The following ZNF260 variants were observed in gnomAD, a reference collection of about 807,000 sequenced individuals.
ZNF260 encodes zfp-260.
A neutral mutation model predicts 29.3 loss-of-function variants in ZNF260; 21 were observed. That is an observed-to-expected ratio of 0.72 (90% CI 0.51 to 1.03). ZNF260 has a LOEUF of 1.03. Among genes scored for constraint, ZNF260 ranks in the 50% least tolerant of loss-of-function variants. ZNF260 has a pLI of 0.00. For missense variants in ZNF260, 465 were observed against 487.8 expected (o/e 0.95, Z 0.44); for synonymous variants, 156 against 156.8 (o/e 0.99, Z 0.04).
rs2034485170 is a variant in ZNF260 at position 36,513,455 on chromosome 19, T to C, written c.*545A>G. 3.2e-6 allele frequency: 1 copy of C among 312,366 alleles called. No individual in the cohort carries two copies. The highest frequency in any genetic ancestry group is 5.8e-6 in the Non-Finnish European group (1 of 173,318). 19.3% of individuals were successfully genotyped at this position (312,366 alleles called of 1,614,324 possible). On this transcript the variant is annotated 3_prime_UTR_variant, in exon 3 of 3. Coordinates refer to ENST00000523638, the MANE Select transcript of ZNF260 (RefSeq NM_001166037.2). ...ATTATTTTTCCATATGAAGAGTCAA[T>C]TAATTTTTAAGTAATCCATGATTTC...
rs1386475787 is a variant in ZNF260 at position 36,514,982 on chromosome 19, T to A, written c.257A>T (p.Asn86Ile). 5 of 1,614,018 alleles carry A rather than the reference T, an allele frequency of 3.1e-6. No homozygotes were observed. Residue 86 changes from asparagine (N) to isoleucine (I), a missense_variant, in exon 3 of 3, where the codon AAT (asparagine) becomes ATT (isoleucine). By Grantham distance (149) the Asn-to-Ile change is moderately radical. Coordinates refer to ENST00000523638, the MANE Select transcript of ZNF260 (RefSeq NM_001166037.2). ...CTGGCTGAAGGCTTTTCCACATTTATTACATTTATATGCCTTCTTTCCTGT... is the reference window on the plus strand; with the variant it reads ...CTGGCTGAAGGCTTTTCCACATTTAATACATTTATATGCCTTCTTTCCTGT... ...SHTGKKAYKC[N>I]KCGKAFSQKE...
Position 36,514,349 on chromosome 19 carries a change from A to G in ZNF260, c.890T>C (p.Ile297Thr). 6.2e-7 allele frequency: 1 copy of G among 1,614,074 alleles called. No homozygotes were observed. Among genetic ancestry groups the G allele is most frequent in the Non-Finnish European group, 8.5e-7 (1 of 1,180,002 alleles). The change falls in exon 3 of 3, where the codon ATT becomes ACT. Residue 297 changes from isoleucine to threonine, a missense_variant. Physicochemically the swap from Ile to Thr is moderately conservative, Grantham distance 89. Coordinates refer to ENST00000523638, the MANE Select transcript of ZNF260 (RefSeq NM_001166037.2). ...TTCATAGGGTTTCTCTCCTGTATGA[A>G]TATTGTGATGTTTAATGAGGTATTG... ...QKQYLIKHHN[I>T]HTGEKPYECN...
intron 2 of ZNF260, among the ~76,000 whole-genome samples, chr19:36,521,585 T>C (rs1310242647): frequency 6.6e-6 from 1 of 151,268 alleles, no homozygotes; most frequent in East Asian, 1.9e-4. Flanking sequence ...AAACTCTGTC[T>C]CTACTAAAAA....
chr19:36,527,730 T>A (rs930171675), intron 1 of ZNF260, among the ~76,000 whole-genome samples: 2 of 152,160 alleles, frequency 1.3e-5, no homozygotes, highest in African/African-American at 4.8e-5. Context: ...GTAACAAGTT[T>A]TTCCGAAATC....
intron 2 of ZNF260, among the ~76,000 whole-genome samples, chr19:36,523,328 G>C (rs1038283945): frequency 3.3e-5 from 5 of 152,160 alleles, no homozygotes; most frequent in South Asian, 4.2e-4. Flanking sequence ...TGCTACTTTA[G>C]CTTTCAACTC....
At chr19:36,520,400 T>C (rs2145750100) in intron 2 of ZNF260, among the ~76,000 whole-genome samples, 1 of 152,214 alleles carries the variant, frequency 6.6e-6, no homozygotes, top group Admixed American at 6.5e-5. Flanking sequence ...ATATGGATAG[T>C]ACAGACTATT....
intron 1 of ZNF260, among the ~76,000 whole-genome samples, chr19:36,526,949 G>C (rs1258260583): frequency 6.6e-6 from 1 of 152,242 alleles, no homozygotes. Context: ...AAGTGCCTTA[G>C]AACCTGGCTA....
chr19:36,519,810 TGCTTGGAGAATGAAGTTTTA>T (rs1279397699), intron 2 of ZNF260, among the ~76,000 whole-genome samples: 1 of 152,194 alleles, frequency 6.6e-6, no homozygotes, highest in Non-Finnish European at 1.5e-5. Flanking sequence ...GGAAAATTAA[TGCTTGGAGAATGAAGTTTTA>T]GCATAAAAGC....
At chr19:36,524,699 T>G (rs906770320) in intron 2 of ZNF260, among the ~76,000 whole-genome samples, 1 of 151,734 alleles carries the variant, frequency 6.6e-6, no homozygotes, top group Admixed American at 6.6e-5. Flanking sequence ...TACTTAAGAT[T>G]AGGGAGTGGT....
At position 36,513,835 on chromosome 19, in the gene ZNF260, T is replaced by C. The variant is rs17238977; in HGVS notation, c.*165A>G. 1.4e-6 allele frequency: 1 copy of C among 735,322 alleles called. No homozygotes were observed. Among genetic ancestry groups the C allele is most frequent in the Non-Finnish European group, 2.2e-6 (1 of 463,138 alleles). The allele number at this position is 735,322 out of a possible 1,614,324, so 45.5% of individuals were successfully genotyped here. ...GGGAGTTTTGGGGGTACGGGTTTTC[T>C]TTACACTATAATACTTATTAAACAT... On this transcript the variant is annotated 3_prime_UTR_variant, in exon 3 of 3. Transcript: ENST00000523638.
rs764151687 is a variant in ZNF260, at chr19:36,514,351, A to G, written c.888T>C (p.Asn296=). 4 of 1,613,846 alleles carry G rather than the reference A, an allele frequency of 2.5e-6. No homozygotes were observed. In the African/African-American group the frequency reaches 5.3e-5, roughly 22 times the overall value. The change falls in exon 3 of 3, where the codon AAT becomes AAC. Residue 296 remains asparagine (N), a synonymous_variant. Transcript: ENST00000523638. ...RQKQYLIKHH[N]IHTGEKPYEC... is the part of the protein sequence containing the mutation. ...CATAGGGTTTCTCTCCTGTATGAAT[A>G]TTGTGATGTTTAATGAGGTATTGCT...
Position 36,525,265 on chromosome 19 carries a change from T to C in ZNF260, c.-572A>G, listed in dbSNP as rs367844849. 3 of 152,334 alleles carry C rather than the reference T, an allele frequency of 2.0e-5. No individual in the cohort carries two copies. The highest frequency in any genetic ancestry group is 1.9e-4 in the East Asian group (1 of 5,188). The allele number at this position is 152,334 out of a possible 1,614,324, so 9.4% of individuals were successfully genotyped here. On this transcript the variant is annotated 5_prime_UTR_variant, in exon 2 of 3. Coordinates refer to ENST00000523638, the MANE Select transcript of ZNF260 (RefSeq NM_001166037.2). Reference sequence around the variant, plus strand: ...AAACTTGTGAGCAGAAAAATGACACTGGACTTGGATGTTATGGTTGGGGAA... The same window carrying C: ...AAACTTGTGAGCAGAAAAATGACACCGGACTTGGATGTTATGGTTGGGGAA...
chr19:36,514,291 G>A lies in ZNF260; in HGVS notation c.948C>T (p.Ile316=). 2.4e-5 allele frequency: 39 copies of A among 1,614,062 alleles called. No individual in the cohort carries two copies. The highest frequency in any genetic ancestry group is 3.1e-5 in the Non-Finnish European group (37 of 1,179,994). ...TTCTCACATGTACAATAAGTGATGTGATTCGAGAGAAGGCTTTTCCACATT... is the reference window on the plus strand; with the variant it reads ...TTCTCACATGTACAATAAGTGATGTAATTCGAGAGAAGGCTTTTCCACATT... ...CNKCGKAFSR[I]TSLIVHVRIH... is the part of the protein sequence containing the mutation. The change falls in exon 3 of 3, where the codon ATC becomes ATT. Residue 316 remains isoleucine, a synonymous_variant. Transcript: ENST00000523638.
rs2034486273 is a variant in ZNF260 at position 36,513,538 on chromosome 19, A to C, written c.*462T>G. The C allele has an allele frequency of 5.1e-6, 2 of 394,618 alleles. No homozygotes were observed. Among genetic ancestry groups the C allele is most frequent in the Non-Finnish European group, 9.0e-6 (2 of 223,302 alleles). 24.4% of individuals were successfully genotyped at this position (394,618 alleles called of 1,614,324 possible). ...ACCAATTCCCCATATATTCATGCAC[A>C]CATTTCTGAATTCAATATTCTGTCT... On this transcript the variant is annotated 3_prime_UTR_variant, in exon 3 of 3. Coordinates refer to ENST00000523638, the MANE Select transcript of ZNF260 (RefSeq NM_001166037.2).
Position 36,513,688 on chromosome 19 carries a change from T to A in ZNF260, c.*312A>T, listed in dbSNP as rs572127215. 1 of 426,164 alleles carries A rather than the reference T, an allele frequency of 2.3e-6. No individual in the cohort carries two copies. Among genetic ancestry groups the A allele is most frequent in the South Asian group, 8.5e-5 (1 of 11,822 alleles). 26.4% of individuals were successfully genotyped at this position (426,164 alleles called of 1,614,324 possible). On this transcript the variant is annotated 3_prime_UTR_variant, in exon 3 of 3. Coordinates refer to ENST00000523638, the MANE Select transcript of ZNF260 (RefSeq NM_001166037.2). ...TCTCTTAATTTCAAATCCTCATACATCTCATATCTATTTCTTAATGCATCT... is the reference window on the plus strand; with the variant it reads ...TCTCTTAATTTCAAATCCTCATACAACTCATATCTATTTCTTAATGCATCT...
chr19:36,525,624 T>C (rs567777664), intron 1 of ZNF260, among the ~76,000 whole-genome samples: 96 of 151,934 alleles, frequency 6.3e-4, no homozygotes, highest in Non-Finnish European at 1.1e-3. Context: ...CTGTCTCTAC[T>C]AAAAATACAA....
chr19:36,523,617 G>A (rs182264838), intron 2 of ZNF260, among the ~76,000 whole-genome samples: 21 of 141,314 alleles, frequency 1.5e-4, no homozygotes, highest in East Asian at 1.2e-3. Flanking sequence ...TCACTCTGTC[G>A]CCCAGACTGG....
At chr19:36,522,889 A>T (rs80008067) in intron 2 of ZNF260, among the ~76,000 whole-genome samples, 2 of 152,348 alleles carry the variant, frequency 1.3e-5, no homozygotes, top group South Asian at 2.1e-4. Flanking sequence ...TTAAACTGGC[A>T]CTTTGAAGTT....
chr19:36,520,796 G>T (rs1177349894), intron 2 of ZNF260, among the ~76,000 whole-genome samples: 4 of 150,302 alleles, frequency 2.7e-5, no homozygotes, highest in African/African-American at 9.8e-5. Context: ...GGAGGCAGAG[G>T]TTGCAGTGAG....
Sources: gnomAD v4.1 joint callset for allele counts (sites outside exome capture counted in the v4.1 genomes callset) on GRCh38, gnomAD v4.1.1 for gene constraint, MANE v1.5 for transcripts, NCBI Gene and HGNC (gene_info 2026-07-23, HGNC 2026-07-21) for gene names.